RBFOX1: variants seen among roughly 807,000 people sequenced by gnomAD.
The protein encoded by RBFOX1 is RNA binding fox-1 homolog 1, also known as RNA binding protein fox-1 homolog 1.
RBFOX1 carries 8 observed loss-of-function variants against 57.7 expected under a neutral mutation model. The ratio of observed to expected loss-of-function variants is 0.14; its 90% CI spans 0.08 to 0.25. The LOEUF is 0.25. Ranked by LOEUF, RBFOX1 falls within the 10% of genes least tolerant of loss-of-function variation. The pLI, the probability that RBFOX1 is intolerant of heterozygous loss-of-function variation, is 1.00. For missense variants in RBFOX1, 611 were observed against 548.5 expected (o/e 1.11, Z -1.14); for synonymous variants, 326 against 222.4 (o/e 1.47, Z -4.15).
intron 2 of RBFOX1, among the ~76,000 whole-genome samples, chr16:6,327,864 G>A (rs916813424): frequency 6.6e-6 from 1 of 152,102 alleles, no homozygotes; most frequent in Non-Finnish European, 1.5e-5. Flanking sequence ...CTTCAATCCC[G>A]TGGGTTACTG....
chr16:6,451,958 A>G (rs193062975), intron 2 of RBFOX1, among the ~76,000 whole-genome samples: 1 of 140,956 alleles, frequency 7.1e-6, no homozygotes, highest in East Asian at 2.2e-4. Flanking sequence ...GAGTCCACCC[A>G]TGGCTCTCCT....
intron 2 of RBFOX1, among the ~76,000 whole-genome samples, chr16:6,578,965 A>T (rs1025721208): frequency 8.5e-5 from 13 of 152,062 alleles, no homozygotes; most frequent in African/African-American, 3.1e-4. Context: ...TGATGGGTGT[A>T]CCAAACTGTC....
chr16:7,595,440 A>C, intron 7 of RBFOX1, 109 bp from the exon 8 acceptor site: 1 of 816,462 alleles, frequency 1.2e-6, no homozygotes. Flanking sequence ...ATGTTACAGA[A>C]CTGAAGCCAG....
chr16:7,088,708 T>A (rs1236165984), intron 4 of RBFOX1, among the ~76,000 whole-genome samples: 1 of 152,162 alleles, frequency 6.6e-6, no homozygotes. Context: ...TATATCCTAG[T>A]GTAGTTTAGC....
chr16:7,364,575 C>CAAA (rs1183081362), intron 4 of RBFOX1, among the ~76,000 whole-genome samples: 1 of 52,494 alleles, frequency 1.9e-5, no homozygotes, highest in Non-Finnish European at 4.1e-5. Flanking sequence ...TCAAGAAGAC[C>CAAA]AAAAAAAAAA....
At chr16:5,575,508 C>G (rs1165383902) in intron 2 of RBFOX1, among the ~76,000 whole-genome samples, 1 of 152,206 alleles carries the variant, frequency 6.6e-6, no homozygotes, top group African/African-American at 2.4e-5. Flanking sequence ...CCATCACAGT[C>G]TGTCTGGAAA....
chr16:7,187,427 C>T (rs1014025525), intron 4 of RBFOX1, among the ~76,000 whole-genome samples: 5 of 151,978 alleles, frequency 3.3e-5, no homozygotes, highest in African/African-American at 1.2e-4. Context: ...CGGTGGCTCA[C>T]GCCTGTAATC....
intron 3 of RBFOX1, among the ~76,000 whole-genome samples, chr16:6,972,474 T>A (rs1396609884): frequency 1.3e-5 from 2 of 152,202 alleles, no homozygotes; most frequent in Non-Finnish European, 2.9e-5. Flanking sequence ...ACATTGTATT[T>A]ATCCATTCAT....
At chr16:7,109,711 G>C (rs536744872) in intron 4 of RBFOX1, among the ~76,000 whole-genome samples, 11 of 152,252 alleles carry the variant, frequency 7.2e-5, no homozygotes, top group South Asian at 2.1e-4. Flanking sequence ...AAAGGGTCTT[G>C]AGGTGGAAAA....
At chr16:7,331,610 C>T (rs560696146) in intron 4 of RBFOX1, among the ~76,000 whole-genome samples, 14 of 152,120 alleles carry the variant, frequency 9.2e-5, no homozygotes, top group African/African-American at 2.4e-4. Context: ...TAATAGCTGC[C>T]GGTACTGCAC....
chr16:6,670,292 A>C (rs1182820225), intron 3 of RBFOX1, among the ~76,000 whole-genome samples: 2 of 152,084 alleles, frequency 1.3e-5, no homozygotes, highest in East Asian at 3.9e-4. Flanking sequence ...CTGGCTTCCA[A>C]GTCCGGAGCT....
At chr16:5,634,630 T>A (rs533843305) in intron 3 of RBFOX1, among the ~76,000 whole-genome samples, 1 of 152,262 alleles carries the variant, frequency 6.6e-6, no homozygotes, top group South Asian at 2.1e-4. Flanking sequence ...GAAGGAAAGT[T>A]ATTGGTCAGA....
intron 13 of RBFOX1, among the ~76,000 whole-genome samples, chr16:7,672,939 A>G (rs189493936): frequency 1.3e-5 from 2 of 148,400 alleles, no homozygotes; most frequent in Non-Finnish European, 3.0e-5. Context: ...AAATGTTCTT[A>G]TAAGTATTAT....
At chr16:6,099,864 A>T (rs528597893) in intron 1 of RBFOX1, among the ~76,000 whole-genome samples, 1 of 152,330 alleles carries the variant, frequency 6.6e-6, no homozygotes, top group Admixed American at 6.5e-5. Flanking sequence ...CAAATATTTT[A>T]CTTCCATATT....
At chr16:6,841,194 T>C (rs958663615) in intron 3 of RBFOX1, among the ~76,000 whole-genome samples, 1 of 152,170 alleles carries the variant, frequency 6.6e-6, no homozygotes, top group Non-Finnish European at 1.5e-5. Context: ...AGACAATGAT[T>C]ATGAAAAGAT....
At chr16:7,064,106 A>C (rs978574642) in intron 4 of RBFOX1, among the ~76,000 whole-genome samples, 1 of 151,992 alleles carries the variant, frequency 6.6e-6, no homozygotes, top group African/African-American at 2.4e-5. Context: ...TTAAAAAGAT[A>C]AGTAAGATAA....
In RBFOX1 at chr16:5,532,865, T is replaced by A. The variant is rs575418004; in HGVS notation, c.258+65611T>A. On this transcript the variant is annotated intron_variant, in intron 2 of 2. Transcript: ENST00000585867. ...CTGTGCAATGTATTCCAACAGACTC[T>A]TCTCCTTCCCTTTCTGCCTGGAGAC... Among the ~76,000 whole-genome samples the A allele has an allele frequency of 9.9e-5, 15 of 152,282 alleles. No individual in the cohort carries two copies. In the East Asian group the frequency reaches 2.9e-3, roughly 29 times the overall value.
chr16:6,704,528 C>A (rs116908302), intron 3 of RBFOX1: 1 of 152,178 alleles, frequency 6.6e-6, no homozygotes, highest in Non-Finnish European at 1.5e-5. Context: ...TCTACACCCC[C>A]CTTGGGTCTG....
intron 1 of RBFOX1, chr16:5,260,735 C>G (rs1394062556): frequency 6.6e-6 from 1 of 152,292 alleles, no homozygotes. Flanking sequence ...TGACGTCATT[C>G]TGCCCTTGCA....
Sources: allele counts gnomAD v4.1 joint callset (sites outside exome capture counted in the v4.1 genomes callset), GRCh38; gene constraint gnomAD v4.1.1; transcripts MANE v1.5; gene names NCBI Gene and HGNC (gene_info 2026-07-23, HGNC 2026-07-21).